Variants in KIF1B observed in about 807,000 individuals in gnomAD.
The protein encoded by KIF1B is kinesin-like protein KIF1B.
In KIF1B, 76 loss-of-function variants were observed where a neutral mutation model predicts 241.9. That is an observed-to-expected ratio of 0.31 (90% confidence interval 0.26 to 0.38). The LOEUF (loss-of-function observed/expected upper bound fraction) is 0.38, where lower values mean the gene tolerates loss of function less well. Ranked by LOEUF, KIF1B falls within the 10% of genes least tolerant of loss-of-function variation. The pLI, the probability that KIF1B is intolerant of heterozygous loss-of-function variation, is 1.00. For missense variants in KIF1B, 1,622 were observed against 2,271.4 expected (o/e 0.71, Z 5.81); for synonymous variants, 750 against 796.7 (o/e 0.94, Z 0.99).
chr1:10,338,614 A>C (rs1652269880), intron 31 of KIF1B, among the ~76,000 whole-genome samples: 2 of 152,260 alleles, frequency 1.3e-5, no homozygotes, highest in South Asian at 2.1e-4. Flanking sequence ...AAGTGACAAT[A>C]ATAGTGAGTT....
At position 10,376,733 on chromosome 1, in the gene KIF1B, C is replaced by T. The variant is rs543558578; in HGVS notation, c.*146C>T. The T allele has an allele frequency of 1.6e-5, 13 of 800,730 alleles. No individual in the cohort carries two copies. The highest frequency in any genetic ancestry group is 1.2e-4 in the South Asian group (9 of 72,186). The allele number at this position is 800,730 out of a possible 1,614,324, so 49.6% of individuals were successfully genotyped here. On this transcript the variant is annotated 3_prime_UTR_variant, in exon 49 of 49. Transcript: ENST00000676179. Reference sequence around the variant, plus strand: ...CTCCTTGTCCAGCACTTTTCTAGCTCTCCCGTTCCCCATCTCCATTGCTCT... The same window carrying T: ...CTCCTTGTCCAGCACTTTTCTAGCTTTCCCGTTCCCCATCTCCATTGCTCT...
intron 7 of KIF1B, among the ~76,000 whole-genome samples, chr1:10,271,195 T>G (rs1341890581): frequency 6.6e-6 from 1 of 151,824 alleles, no homozygotes; most frequent in Non-Finnish European, 1.5e-5. Flanking sequence ...TAAAAAAAAT[T>G]TTTTTTTAGA....
Position 10,324,801 on chromosome 1 carries a change from G to A in KIF1B, c.2581G>A (p.Glu861Lys), listed in dbSNP as rs1299661409. The A allele has an allele frequency of 6.2e-7, 1 of 1,614,004 alleles. No individual in the cohort carries two copies. Among genetic ancestry groups the A allele is most frequent in the Non-Finnish European group, 8.5e-7 (1 of 1,180,014 alleles). Reference protein sequence around the residue: ...LMREMYDRAGEMASSAQDESE... With the variant: ...LMREMYDRAGKMASSAQDESE... ...GCGAGAGATGTATGATAGGGCAGGG[G>A]AGATGGCCTCCAGTGCCCAAGACGA... Residue 861 changes from glutamate to lysine, a missense_variant, in exon 26 of 49, where the codon GAG (glutamate) becomes AAG (lysine). Glu to Lys is a moderately conservative substitution (Grantham distance 56). Coordinates refer to ENST00000676179, the MANE Select transcript of KIF1B (RefSeq NM_001365951.3).
intron 13 of KIF1B, 145 bp downstream of exon 13, chr1:10,278,273 C>G (rs1261411375): frequency 8.7e-5 from 77 of 889,814 alleles, no homozygotes; most frequent in Middle Eastern, 6.6e-4. Flanking sequence ...GTTTTGTTTT[C>G]TTTTTCCTTA....
chr1:10,295,542 A>G (rs1650218847), intron 18 of KIF1B, 118 bp from the exon 19 acceptor site: 2 of 904,098 alleles, frequency 2.2e-6, no homozygotes, highest in Non-Finnish European at 3.7e-6. Context: ...CTTCTGATGC[A>G]ACAAGGCAAT....
In KIF1B at chr1:10,377,426, C is replaced by T. The variant is rs549614550; in HGVS notation, c.*839C>T. 1.2e-3 allele frequency: 271 copies of T among 226,986 alleles called. No individual in the cohort carries two copies. Among genetic ancestry groups the T allele is most frequent in the Middle Eastern group, 4.0e-3 (3 of 750 alleles). The allele number at this position is 226,986 out of a possible 1,614,324, so 14.1% of individuals were successfully genotyped here. ...GGCCGTGGGCCGTGATGGCAGCAGG[C>T]GGTGGGATGCTTGTAGCTCCTCACA... On this transcript the variant is annotated 3_prime_UTR_variant, in exon 49 of 49. Transcript: ENST00000676179.
At chr1:10,367,719 T>TG (rs994012029) in intron 43 of KIF1B, among the ~76,000 whole-genome samples, 48 of 150,624 alleles carry the variant, frequency 3.2e-4, no homozygotes, top group Non-Finnish European at 5.9e-4. Context: ...TAGGTGTTTT[T>TG]TTTGTTTGTT....
In KIF1B at chr1:10,306,374, C is replaced by T. The variant is rs147697101; in HGVS notation, c.2115+9128C>T. On this transcript the variant is annotated intron_variant, in intron 22 of 48. Transcript: ENST00000676179. ...CACTTCAATGCATTTTGTGTAAACC[C>T]AGTTGTCCTTTTTTATTCCTCTTTA... 39 of 1,041,650 alleles carry T rather than the reference C, an allele frequency of 3.7e-5. 1 individual carries two copies. The highest frequency in any genetic ancestry group is 4.4e-4 in the Middle Eastern group (1 of 2,278). The allele number at this position is 1,041,650 out of a possible 1,614,324, so 64.5% of individuals were successfully genotyped here.
intron 38 of KIF1B, chr1:10,355,229 G>C (rs576356891): frequency 6.6e-6 from 1 of 152,284 alleles, no homozygotes; most frequent in African/African-American, 2.4e-5. Flanking sequence ...ATGGGATTCT[G>C]TGTTAATTGT....
chr1:10,302,358 C>T (rs7538572), intron 22 of KIF1B, among the ~76,000 whole-genome samples: 4 of 152,152 alleles, frequency 2.6e-5, no homozygotes, highest in Non-Finnish European at 5.9e-5. Context: ...AATCGTACGA[C>T]GGAAATGGAT....
At chr1:10,320,865 C>A (rs906272248) in intron 23 of KIF1B, among the ~76,000 whole-genome samples, 25 of 151,684 alleles carry the variant, frequency 1.6e-4, no homozygotes, top group Admixed American at 7.9e-4. Context: ...CCATGCCCAG[C>A]TAATTTTGTG....
At chr1:10,313,468 G>C (rs576762003) in intron 22 of KIF1B, among the ~76,000 whole-genome samples, 1 of 151,098 alleles carries the variant, frequency 6.6e-6, no homozygotes, top group Non-Finnish European at 1.5e-5. Context: ...GGGGTAGATA[G>C]GTAGGAGAGA....
chr1:10,340,981 A>C (rs1417318765), intron 32 of KIF1B, among the ~76,000 whole-genome samples: 1 of 152,168 alleles, frequency 6.6e-6, no homozygotes, highest in Non-Finnish European at 1.5e-5. Context: ...ACAAGCAAAC[A>C]CAAAATATGC....
Position 10,347,833 on chromosome 1 carries a change from A to C in KIF1B, c.3864+6A>C, listed in dbSNP as rs114266141. 2,289 of 1,608,656 alleles carry C rather than the reference A, an allele frequency of 1.4e-3. 18 individuals are homozygous for C. In the African/African-American group the frequency reaches 0.023, roughly 16 times the overall value. ...GGACATTTTTGCTTCATCAGGTACTAATGAGGGACCAAAACAGGCATCGGA... is the reference window on the plus strand; with the variant it reads ...GGACATTTTTGCTTCATCAGGTACTCATGAGGGACCAAAACAGGCATCGGA... On this transcript the variant is annotated splice_donor_region_variant and intron_variant, in intron 36 of 48. Transcript: ENST00000676179.
chr1:10,211,608 G>C (rs945484983), intron 1 of KIF1B: 1 of 152,278 alleles, frequency 6.6e-6, no homozygotes, highest in African/African-American at 2.4e-5. Context: ...GCCAAGTTGT[G>C]GGGGTTGGGA....
intron 1 of KIF1B, among the ~76,000 whole-genome samples, chr1:10,223,344 A>G (rs976703290): frequency 3.3e-5 from 5 of 152,176 alleles, no homozygotes; most frequent in South Asian, 2.1e-4. Flanking sequence ...TCAGACTTAC[A>G]TAAGTAATTC....
intron 1 of KIF1B, chr1:10,227,937 CA>C (rs1646931329): frequency 6.5e-6 from 1 of 154,110 alleles, no homozygotes; most frequent in South Asian, 2.0e-4. Context: ...GTAATCCTAG[CA>C]CTTTGGGAGA....
intron 8 of KIF1B, 39 bp downstream of exon 8, chr1:10,271,618 G>A: frequency 7.7e-7 from 1 of 1,297,130 alleles, no homozygotes; most frequent in South Asian, 1.2e-5. Flanking sequence ...ATCAATAAAT[G>A]GCCACTACCT....
At chr1:10,268,074 A>G (rs1435703830) in intron 6 of KIF1B, 78 bp from the exon 7 acceptor site, 1 of 889,580 alleles carries the variant, frequency 1.1e-6, no homozygotes, top group East Asian at 2.6e-5. Context: ...TGTTATGCTT[A>G]TAATGTGGAG....
Sources: allele counts gnomAD v4.1 joint callset (sites outside exome capture counted in the v4.1 genomes callset), GRCh38; gene constraint gnomAD v4.1.1; transcripts MANE v1.5; gene names NCBI Gene and HGNC (gene_info 2026-07-23, HGNC 2026-07-21).